EPB41L1: variants seen among roughly 807,000 people sequenced by gnomAD.
EPB41L1 encodes band 4.1-like protein 1.
A neutral mutation model predicts 97.8 loss-of-function variants in EPB41L1; 29 were observed. That is an observed-to-expected ratio of 0.30 (90% CI 0.22 to 0.40). The LOEUF (loss-of-function observed/expected upper bound fraction) is 0.40, where lower values mean the gene tolerates loss of function less well. Ranked by LOEUF, EPB41L1 falls within the 10% of genes least tolerant of loss-of-function variation. The pLI, the probability that EPB41L1 is intolerant of heterozygous loss-of-function variation, is 1.00. For synonymous variants in EPB41L1, 383 were observed against 459.2 expected, an observed-to-expected ratio of 0.83 and a Z score of 2.12; for missense variants, 812 against 1,162.3, an observed-to-expected ratio of 0.70 and a Z score of 4.38.
intron 21 of EPB41L1, among the ~76,000 whole-genome samples, chr20:36,227,819 T>C (rs555864175): frequency 1.1e-4 from 16 of 152,334 alleles, no homozygotes; most frequent in African/African-American, 2.6e-4. Context: ...ACAGAACCTT[T>C]TCCCTTCTCT....
At chr20:36,174,807 A>G (rs2061155480) in intron 2 of EPB41L1, among the ~76,000 whole-genome samples, 1 of 152,196 alleles carries the variant, frequency 6.6e-6, no homozygotes, top group African/African-American at 2.4e-5. Context: ...GAGCACCAGC[A>G]GGATAAAATG....
In EPB41L1 at chr20:36,212,076, G is replaced by A. The variant is rs554336329; in HGVS notation, c.2080-196G>A. ...GGCAGGCCTGCCTGGTCCTGGTGGT[G>A]GTCCTGGCTCTCCTCGCGGGCTATC... On this transcript the variant is annotated intron_variant, in intron 15 of 21. Coordinates refer to ENST00000338074, the MANE Select transcript of EPB41L1 (RefSeq NM_012156.2). The surrounding 1 kb of genome is among the most constrained non-coding windows in gnomAD (Gnocchi z 4.8). Among the ~76,000 whole-genome samples, 4 of 152,338 alleles carry A rather than the reference G, an allele frequency of 2.6e-5. No homozygotes were observed. Among genetic ancestry groups the A allele is most frequent in the Middle Eastern group, 6.8e-3 (2 of 294 alleles).
intron 15 of EPB41L1, among the ~76,000 whole-genome samples, chr20:36,211,872 G>A (rs969358412): frequency 2.6e-5 from 4 of 152,114 alleles, no homozygotes; most frequent in African/African-American, 9.7e-5. Context: ...AAATAGAAGA[G>A]TTCAGCTGAA....
intron 1 of EPB41L1, among the ~76,000 whole-genome samples, chr20:36,110,403 C>T (rs1342748579): frequency 6.6e-6 from 1 of 152,162 alleles, no homozygotes; most frequent in Non-Finnish European, 1.5e-5. Context: ...TCAGCTCAGC[C>T]CCAGCAGGAT....
chr20:36,206,027 C>T lies in EPB41L1; in HGVS notation c.1669-3461C>T, dbSNP rs778521305. 2.3e-6 allele frequency: 3 copies of T among 1,289,708 alleles called. No homozygotes were observed. The African/African-American group carries it at 4.6e-5, about 20-fold the overall frequency. 79.9% of individuals were successfully genotyped at this position (1,289,708 alleles called of 1,614,324 possible). A position where few individuals can be genotyped will look rare whatever the true frequency, so the allele number is the denominator to read the frequency against. Reference sequence around the variant, plus strand: ...GACAAGTTCAAAGTGGAAGTGGCCACAGAAGAAATGGTGGGAAACAGAAGA... The same window carrying T: ...GACAAGTTCAAAGTGGAAGTGGCCATAGAAGAAATGGTGGGAAACAGAAGA... On this transcript the variant is annotated intron_variant, in intron 14 of 21. Transcript: ENST00000338074. The surrounding 1 kb of genome is among the most constrained non-coding windows in gnomAD (Gnocchi z 5.5).
chr20:36,140,772 T>C (rs1451958841), intron 2 of EPB41L1, among the ~76,000 whole-genome samples: 1 of 152,112 alleles, frequency 6.6e-6, no homozygotes, highest in Non-Finnish European at 1.5e-5. Context: ...TTTCATCTCC[T>C]CTCTTCCCCT....
At chr20:36,128,963 G>A (rs1028586148) in intron 2 of EPB41L1, among the ~76,000 whole-genome samples, 1 of 152,146 alleles carries the variant, frequency 6.6e-6, no homozygotes, top group Non-Finnish European at 1.5e-5. Context: ...TGAGGTGGGT[G>A]GAGAGAGGGA....
At chr20:36,135,449 C>T (rs903735139) in intron 2 of EPB41L1, among the ~76,000 whole-genome samples, 2 of 152,196 alleles carry the variant, frequency 1.3e-5, no homozygotes, top group African/African-American at 4.8e-5. Flanking sequence ...TGGAATCCCC[C>T]CTCTGCTCAC....
At position 36,206,992 on chromosome 20, in the gene EPB41L1, A is replaced by G; in HGVS notation, c.1669-2496A>G. On this transcript the variant is annotated intron_variant, in intron 14 of 21. Transcript: ENST00000338074. The surrounding 1 kb of genome is among the most constrained non-coding windows in gnomAD (Gnocchi z 5.5). Reference sequence around the variant, plus strand: ...ACCAGACAGAGGCAACTTCCCACCCAAAGAGAGGGGAGTGGTTCCCACCCA... The same window carrying G: ...ACCAGACAGAGGCAACTTCCCACCCGAAGAGAGGGGAGTGGTTCCCACCCA... The G allele has an allele frequency of 7.8e-7, 1 of 1,289,934 alleles. No individual in the cohort carries two copies. The highest frequency in any genetic ancestry group is 1.0e-6 in the Non-Finnish European group (1 of 988,886). The allele number at this position is 1,289,934 out of a possible 1,614,324, so 79.9% of individuals were successfully genotyped here.
intron 14 of EPB41L1, among the ~76,000 whole-genome samples, chr20:36,200,176 T>C (rs2425187): frequency 1 from 152,250 of 152,250 alleles, 76,125 homozygotes; most frequent in Non-Finnish European, 1. Context: ...CTTCCCCTTT[T>C]TGAGCCGCAT....
intron 4 of EPB41L1, among the ~76,000 whole-genome samples, 181 bp from the exon 5 acceptor site, chr20:36,178,449 G>A (rs999674542): frequency 6.6e-6 from 1 of 152,098 alleles, no homozygotes. Context: ...GCCTGGTGGT[G>A]AATCCTGGCC....
Position 36,154,817 on chromosome 20 carries a change from G to C in EPB41L1, c.-94G>C. 3.0e-6 allele frequency: 3 copies of C among 992,388 alleles called. No homozygotes were observed. The highest frequency in any genetic ancestry group is 3.6e-6 in the Non-Finnish European group (3 of 834,358). The allele number at this position is 992,388 out of a possible 1,614,324, so 61.5% of individuals were successfully genotyped here. ...GCCCGCCGCGACCCCGCGCCGCCCC[G>C]CCCCGCGGCCTGCCTGCCAGAGGAG... On this transcript the variant is annotated 5_prime_UTR_variant, in exon 1 of 22. Transcript: ENST00000338074. The surrounding 1 kb of genome is among the most constrained non-coding windows in gnomAD (Gnocchi z 5.5).
chr20:36,201,710 G>A (rs2062507155), intron 14 of EPB41L1, among the ~76,000 whole-genome samples: 1 of 152,186 alleles, frequency 6.6e-6, no homozygotes, highest in Admixed American at 6.5e-5. Context: ...CAAGTGGAGG[G>A]CTCTTTGAAC....
At chr20:36,137,874 C>T (rs1401697919) in intron 2 of EPB41L1, among the ~76,000 whole-genome samples, 4 of 152,114 alleles carry the variant, frequency 2.6e-5, no homozygotes, top group African/African-American at 9.7e-5. Context: ...ACAATAACTC[C>T]CATTTCCTCC....
At chr20:36,200,227 T>C (rs1412988970) in intron 14 of EPB41L1, among the ~76,000 whole-genome samples, 5 of 152,152 alleles carry the variant, frequency 3.3e-5, no homozygotes, top group Admixed American at 3.3e-4. Flanking sequence ...GGTCATTCCA[T>C]AGGGTAGTTG....
intron 3 of EPB41L1, 138 bp from the exon 4 acceptor site, chr20:36,177,814 T>C: frequency 1.4e-6 from 1 of 721,696 alleles, no homozygotes; most frequent in Admixed American, 2.0e-5. Context: ...GCCAAGTGGG[T>C]GGCAGGAGCG....
chr20:36,186,695 T>A (rs1232640474), intron 7 of EPB41L1, among the ~76,000 whole-genome samples: 1 of 152,174 alleles, frequency 6.6e-6, no homozygotes, highest in Non-Finnish European at 1.5e-5. Flanking sequence ...TAGCAAGACA[T>A]CTTAGGATTT....
upstream of EPB41L1, chr20:36,152,716 A>C (rs531924455): frequency 3.3e-6 from 1 of 304,488 alleles, no homozygotes; most frequent in Non-Finnish European, 6.5e-6. Context: ...CATTCATTTA[A>C]ATAAATGTGT....
At chr20:36,178,517 G>C in intron 4 of EPB41L1, 113 bp from the exon 5 acceptor site, 2 of 1,067,536 alleles carry the variant, frequency 1.9e-6, no homozygotes, top group Non-Finnish European at 2.9e-6. Context: ...AGCCAAGGAA[G>C]GGCGTTCCCT....
Sources: gnomAD v4.1 joint callset for allele counts (sites outside exome capture counted in the v4.1 genomes callset) on GRCh38, gnomAD v4.1.1 for gene constraint, Gnocchi (gnomAD v3.1) non-coding constraint, MANE v1.5 for transcripts, NCBI Gene and HGNC (gene_info 2026-07-23, HGNC 2026-07-21) for gene names.